Variants in UBE2H observed in about 807,000 individuals in gnomAD.
UBE2H encodes ubiquitin-conjugating enzyme E2 H.
UBE2H carries 3 observed loss-of-function variants against 29.0 expected under a neutral mutation model. The ratio of observed to expected loss-of-function variants is 0.10; its 90% CI spans 0.05 to 0.27. UBE2H has a LOEUF of 0.27. Ranked by LOEUF, UBE2H falls within the 10% of genes least tolerant of loss-of-function variation. The pLI is 1.00. For synonymous variants in UBE2H, 69 were observed against 82.9 expected (o/e 0.83, Z 0.91); for missense variants, 68 against 228.2 (o/e 0.30, Z 4.52).
chr7:129,933,076 A>C (rs1200354704), intron 1 of UBE2H, among the ~76,000 whole-genome samples: 2 of 152,180 alleles, frequency 1.3e-5, no homozygotes, highest in African/African-American at 4.8e-5. Flanking sequence ...TATAACACTA[A>C]ACTTCAGGTT....
intron 1 of UBE2H, among the ~76,000 whole-genome samples, chr7:129,939,504 T>C (rs1807598614): frequency 6.6e-6 from 1 of 152,228 alleles, no homozygotes; most frequent in African/African-American, 2.4e-5. Context: ...GAAAACATTA[T>C]ATCCATCTAT....
At chr7:129,895,648 C>T (rs1806586036) in intron 1 of UBE2H, among the ~76,000 whole-genome samples, 1 of 152,128 alleles carries the variant, frequency 6.6e-6, no homozygotes, top group African/African-American at 2.4e-5. Context: ...CACCTGTAAT[C>T]GCAGCACTTT....
chr7:129,872,700 G>A lies in UBE2H; in HGVS notation c.205+6868C>T, dbSNP rs561216606. Among the ~76,000 whole-genome samples the A allele has an allele frequency of 2.3e-4, 35 of 151,910 alleles. No individual in the cohort carries two copies. In the East Asian group the frequency reaches 6.9e-3, roughly 30 times the overall value. On this transcript the variant is annotated intron_variant, in intron 3 of 6. Transcript: ENST00000355621. ...CTACTAAAAAACACAAAAATTAGCA[G>A]GGCATGATGGAGCATGCCTGTAATC... is the stretch of plus-strand genomic sequence containing the variant.
intron 3 of UBE2H, among the ~76,000 whole-genome samples, chr7:129,866,518 T>C (rs1017158766): frequency 6.6e-6 from 1 of 152,330 alleles, no homozygotes; most frequent in African/African-American, 2.4e-5. Flanking sequence ...CTTATTTTCA[T>C]GGTCAGAGAC....
chr7:129,846,313 G>C (rs996109106), intron 5 of UBE2H, among the ~76,000 whole-genome samples: 1 of 151,752 alleles, frequency 6.6e-6, no homozygotes, highest in Non-Finnish European at 1.5e-5. Flanking sequence ...TTCAATAACA[G>C]CCTGGGCAAC....
chr7:129,890,348 TGTATATATACAC>T (rs1292833255), intron 1 of UBE2H, among the ~76,000 whole-genome samples: 4 of 151,904 alleles, frequency 2.6e-5, no homozygotes, highest in African/African-American at 4.8e-5. Context: ...TATATATGTA[TGTATATATACAC>T]ATATATATAC....
chr7:129,928,787 A>T (rs1008840622), intron 1 of UBE2H, among the ~76,000 whole-genome samples: 5 of 152,056 alleles, frequency 3.3e-5, no homozygotes, highest in Non-Finnish European at 7.4e-5. Context: ...ATTAAAACTA[A>T]ATATATATAT....
intron 1 of UBE2H, among the ~76,000 whole-genome samples, chr7:129,931,627 ATG>A (rs1807401933): frequency 6.6e-6 from 1 of 152,102 alleles, no homozygotes; most frequent in Non-Finnish European, 1.5e-5. Flanking sequence ...GGATTTTCAT[ATG>A]TGCTTCTGTA....
At chr7:129,909,951 C>T (rs187394697) in intron 1 of UBE2H, among the ~76,000 whole-genome samples, 37 of 151,816 alleles carry the variant, frequency 2.4e-4, no homozygotes, top group Non-Finnish European at 4.6e-4. Flanking sequence ...ACAGAAGACA[C>T]GAAAAGGGTT....
intron 5 of UBE2H, among the ~76,000 whole-genome samples, chr7:129,841,772 C>T (rs906538681): frequency 6.6e-6 from 1 of 152,148 alleles, no homozygotes; most frequent in Non-Finnish European, 1.5e-5. Context: ...CCTAAAGAGC[C>T]ACTTTATAGT....
At chr7:129,944,736 A>ACACACG (rs1314694877) in intron 1 of UBE2H, among the ~76,000 whole-genome samples, 31 of 143,630 alleles carry the variant, frequency 2.2e-4, no homozygotes, top group Non-Finnish European at 4.6e-4. Flanking sequence ...ACACACACAC[A>ACACACG]CACACACACA....
intron 1 of UBE2H, among the ~76,000 whole-genome samples, chr7:129,893,971 A>G (rs1212730097): frequency 1.3e-5 from 2 of 152,142 alleles, no homozygotes; most frequent in Non-Finnish European, 2.9e-5. Context: ...CTAGCCTGAC[A>G]TGGCAAAACC....
chr7:129,880,975 A>G lies in UBE2H; in HGVS notation c.54-4T>C, dbSNP rs761672989. On this transcript the variant is annotated splice_polypyrimidine_tract_variant and splice_region_variant and intron_variant, in intron 1 of 6. Coordinates refer to ENST00000355621, the MANE Select transcript of UBE2H (RefSeq NM_003344.4). ...AACCTCATGTTTACTCTCGATGCTA[A>G]GGTGGACGGTAAAGGAAATTACACA... is the stretch of plus-strand genomic sequence containing the variant. 10 of 1,612,350 alleles carry G rather than the reference A, an allele frequency of 6.2e-6. No individual in the cohort carries two copies. The highest frequency in any genetic ancestry group is 8.5e-6 in the Non-Finnish European group (10 of 1,179,402).
At chr7:129,948,840 G>C in intron 1 of UBE2H, 2 of 287,022 alleles carry the variant, frequency 7.0e-6, no homozygotes, top group Non-Finnish European at 1.4e-5. Flanking sequence ...ACTCTAACAG[G>C]TCAGGTTTTC....
intron 5 of UBE2H, among the ~76,000 whole-genome samples, chr7:129,855,228 ACAGT>A (rs1265068637): frequency 1.1e-4 from 17 of 152,244 alleles, no homozygotes; most frequent in African/African-American, 3.6e-4. Flanking sequence ...GAAGTACTTG[ACAGT>A]CAGCAAACAT....
At chr7:129,901,795 C>A (rs1189272066) in intron 1 of UBE2H, among the ~76,000 whole-genome samples, 2 of 152,064 alleles carry the variant, frequency 1.3e-5, no homozygotes, top group African/African-American at 2.4e-5. Context: ...GAGGTTTCAC[C>A]ATGTTGGCCA....
intron 5 of UBE2H, among the ~76,000 whole-genome samples, chr7:129,853,555 C>A (rs538149311): frequency 1.3e-5 from 2 of 152,270 alleles, no homozygotes; most frequent in East Asian, 3.9e-4. Flanking sequence ...AAAATTAATC[C>A]GATTCCTCAC....
At chr7:129,836,939 C>G (rs1255871110) in intron 6 of UBE2H, among the ~76,000 whole-genome samples, 2 of 141,308 alleles carry the variant, frequency 1.4e-5, no homozygotes, top group Non-Finnish European at 3.0e-5. Context: ...GTAGATTCCA[C>G]TCAGTATCAG....
chr7:129,927,476 G>A (rs1486086167), intron 1 of UBE2H, among the ~76,000 whole-genome samples: 1 of 152,146 alleles, frequency 6.6e-6, no homozygotes, highest in Non-Finnish European at 1.5e-5. Flanking sequence ...GGAGGCAGAG[G>A]TTGCAGTGAG....
Sources: allele counts gnomAD v4.1 joint callset (sites outside exome capture counted in the v4.1 genomes callset), GRCh38; gene constraint gnomAD v4.1.1; transcripts MANE v1.5; gene names NCBI Gene and HGNC (gene_info 2026-07-23, HGNC 2026-07-21).